AFG2A: variants seen among roughly 807,000 people sequenced by gnomAD.
The protein encoded by AFG2A is ATPase family gene 2 protein homolog A.
the AFG2A span, among the ~76,000 whole-genome samples, chr4:122,969,426 A>G: frequency 2.0e-5 from 3 of 152,132 alleles, no homozygotes; most frequent in South Asian, 2.1e-4. Flanking sequence ...CTCTGCCTCA[A>G]TGGTCTTTTA....
chr4:123,283,275 G>GTT, the AFG2A span, among the ~76,000 whole-genome samples: 1 of 151,696 alleles, frequency 6.6e-6, no homozygotes, highest in African/African-American at 2.4e-5. Context: ...CATGTTAATG[G>GTT]TTAGATATCA....
the AFG2A span, among the ~76,000 whole-genome samples, chr4:123,285,685 C>G: frequency 1.3e-5 from 2 of 152,130 alleles, no homozygotes; most frequent in Non-Finnish European, 2.9e-5. Context: ...GATGCTTTCC[C>G]TCCCTCATCT....
chr4:123,127,094 G>A, the AFG2A span, among the ~76,000 whole-genome samples: 1 of 152,114 alleles, frequency 6.6e-6, no homozygotes, highest in Non-Finnish European at 1.5e-5. Flanking sequence ...TGGCTACTCA[G>A]GAGGTTGAGG....
At chr4:122,935,658 A>G in the AFG2A span, 4 of 1,477,286 alleles carry the variant, frequency 2.7e-6, no homozygotes, top group East Asian at 4.7e-5. Flanking sequence ...TTGTATGACA[A>G]CATTTATAAG....
At chr4:123,226,262 G>T in the AFG2A span, among the ~76,000 whole-genome samples, 6 of 152,132 alleles carry the variant, frequency 3.9e-5, no homozygotes, top group Non-Finnish European at 5.9e-5. Flanking sequence ...AATAGGAGTG[G>T]TGACAGAGGG....
At chr4:123,149,387 G>A in the AFG2A span, among the ~76,000 whole-genome samples, 2 of 152,178 alleles carry the variant, frequency 1.3e-5, no homozygotes, top group Non-Finnish European at 2.9e-5. Flanking sequence ...AAAAGTTAAT[G>A]TCTGGGGATG....
the AFG2A span, chr4:122,934,492 G>T: frequency 2.5e-6 from 4 of 1,614,212 alleles, no homozygotes; most frequent in South Asian, 2.2e-5. Context: ...AGAAGGAAAT[G>T]AGCAACTTAC....
At chr4:123,220,568 G>C in the AFG2A span, among the ~76,000 whole-genome samples, 1 of 144,094 alleles carries the variant, frequency 6.9e-6, no homozygotes, top group Admixed American at 7.0e-5. Context: ...GAGCTGAGAT[G>C]GCAGCACTGC....
At chr4:123,252,106 TA>T in the AFG2A span, among the ~76,000 whole-genome samples, 2 of 152,190 alleles carry the variant, frequency 1.3e-5, no homozygotes, top group African/African-American at 2.4e-5. Flanking sequence ...CCCATTAATA[TA>T]ATTTCCAAAA....
At chr4:122,962,173 T>C in the AFG2A span, among the ~76,000 whole-genome samples, 1 of 152,236 alleles carries the variant, frequency 6.6e-6, no homozygotes, top group Non-Finnish European at 1.5e-5. Flanking sequence ...CAGGTAGTAA[T>C]GCTTGCTCGC....
the AFG2A span, among the ~76,000 whole-genome samples, chr4:123,013,836 A>T: frequency 8.5e-4 from 129 of 152,364 alleles, 1 homozygote; most frequent in African/African-American, 2.6e-3. Flanking sequence ...AGCACCAAAC[A>T]TATGTAATAT....
the AFG2A span, among the ~76,000 whole-genome samples, chr4:122,954,841 C>T: frequency 6.6e-6 from 1 of 152,098 alleles, no homozygotes. Flanking sequence ...CCCCCTGCAA[C>T]AGCTCTTCCA....
At chr4:123,032,564 C>G in the AFG2A span, among the ~76,000 whole-genome samples, 1 of 152,054 alleles carries the variant, frequency 6.6e-6, no homozygotes, top group East Asian at 1.9e-4. Context: ...TACAGGCATC[C>G]ACGACTATGC....
chr4:123,281,060 T>G, the AFG2A span, among the ~76,000 whole-genome samples: 1 of 152,128 alleles, frequency 6.6e-6, no homozygotes, highest in Non-Finnish European at 1.5e-5. Flanking sequence ...GTACTATCAT[T>G]TTGGAAATTC....
chr4:123,011,032 A>G, the AFG2A span, among the ~76,000 whole-genome samples: 1 of 152,182 alleles, frequency 6.6e-6, no homozygotes, highest in Non-Finnish European at 1.5e-5. Flanking sequence ...TTCACTCTTT[A>G]TCAGAGGTTT....
chr4:123,139,360 T>TTTTC, the AFG2A span, among the ~76,000 whole-genome samples: 1 of 152,128 alleles, frequency 6.6e-6, no homozygotes, highest in Non-Finnish European at 1.5e-5. Flanking sequence ...TGTAGTTTTG[T>TTTTC]TTTCTTTCTT....
At chr4:123,171,000 C>T in the AFG2A span, among the ~76,000 whole-genome samples, 6 of 152,064 alleles carry the variant, frequency 3.9e-5, no homozygotes, top group Non-Finnish European at 8.8e-5. Context: ...AGAACGGTAC[C>T]TCATAGTTAC....
At chr4:123,036,784 A>C in the AFG2A span, among the ~76,000 whole-genome samples, 1 of 152,128 alleles carries the variant, frequency 6.6e-6, no homozygotes, top group South Asian at 2.1e-4. Flanking sequence ...TGAGAGGAAC[A>C]GCTCGAATTC....
At chr4:123,224,637 T>A in the AFG2A span, among the ~76,000 whole-genome samples, 1 of 151,066 alleles carries the variant, frequency 6.6e-6, no homozygotes, top group Non-Finnish European at 1.5e-5. Context: ...TGGTTCCAGG[T>A]CTTTGCTATT....
Sources: gnomAD v4.1 joint callset for allele counts (sites outside exome capture counted in the v4.1 genomes callset) on GRCh38, gnomAD v4.1.1 for gene constraint, MANE v1.5 for transcripts, NCBI Gene and HGNC (gene_info 2026-07-23, HGNC 2026-07-21) for gene names.